Variants in CAMK2D observed in about 807,000 individuals in gnomAD.
CAMK2D encodes calcium/calmodulin dependent protein kinase II delta, also known as calcium/calmodulin-dependent protein kinase type II subunit delta.
A neutral mutation model predicts 84.0 loss-of-function variants in CAMK2D; 37 were observed. That is an observed-to-expected ratio of 0.44 (90% CI 0.34 to 0.58). The LOEUF (loss-of-function observed/expected upper bound fraction) is 0.58, where lower values mean the gene tolerates loss of function less well. CAMK2D is among the 20% of genes least tolerant of loss of function. CAMK2D has a pLI of 0.02. For synonymous variants in CAMK2D, 202 were observed against 212.5 expected (o/e 0.95, Z 0.43); for missense variants, 448 against 652.5 (o/e 0.69, Z 3.41).
At chr4:113,665,742 C>T (rs1426346066) in intron 2 of CAMK2D, among the ~76,000 whole-genome samples, 1 of 152,156 alleles carries the variant, frequency 6.6e-6, no homozygotes, top group Admixed American at 6.5e-5. Context: ...AGTCCATACT[C>T]TTATATGAAT....
intron 2 of CAMK2D, among the ~76,000 whole-genome samples, chr4:113,731,074 A>C (rs143854304): frequency 7.2e-5 from 11 of 152,350 alleles, no homozygotes; most frequent in Non-Finnish European, 1.3e-4. Flanking sequence ...AATATTCACC[A>C]ACTGAATATT....
At chr4:113,651,686 T>C (rs1179153896) in intron 3 of CAMK2D, among the ~76,000 whole-genome samples, 4 of 152,186 alleles carry the variant, frequency 2.6e-5, no homozygotes, top group Admixed American at 2.0e-4. Context: ...TGTTTTGTCA[T>C]ACATTGTACA....
intron 3 of CAMK2D, among the ~76,000 whole-genome samples, chr4:113,624,754 G>C (rs1350627947): frequency 6.6e-6 from 1 of 152,178 alleles, no homozygotes; most frequent in Non-Finnish European, 1.5e-5. Flanking sequence ...GGCTGAGTCA[G>C]TGTCTTAAAC....
Position 113,619,911 on chromosome 4 carries a change from G to A in CAMK2D, c.221-10705C>T, listed in dbSNP as rs1484442293. ...CTGAAAGAGAGAATATAGGTGCTGA[G>A]AGGCCGGAGTTTGGCATGCATAATC... On this transcript the variant is annotated intron_variant, in intron 3 of 20. Transcript: ENST00000511664. Among the ~76,000 whole-genome samples the A allele has an allele frequency of 1.3e-5, 2 of 152,148 alleles. 1 individual carries two copies. Among genetic ancestry groups the A allele is most frequent in the Admixed American group, 1.3e-4 (2 of 15,252 alleles).
chr4:113,494,544 G>C (rs1251017822), intron 16 of CAMK2D, among the ~76,000 whole-genome samples: 3 of 152,226 alleles, frequency 2.0e-5, no homozygotes, highest in Non-Finnish European at 4.4e-5. Flanking sequence ...TCTCTTCAAA[G>C]CTGTCAGACA....
intron 16 of CAMK2D, among the ~76,000 whole-genome samples, chr4:113,496,324 A>C (rs2097930160): frequency 6.6e-6 from 1 of 152,074 alleles, no homozygotes; most frequent in Non-Finnish European, 1.5e-5. Context: ...GGCCTAAAGA[A>C]TTGTATATTT....
intron 2 of CAMK2D, among the ~76,000 whole-genome samples, chr4:113,736,017 G>A (rs912571714): frequency 2.6e-5 from 4 of 151,422 alleles, no homozygotes; most frequent in South Asian, 2.1e-4. Flanking sequence ...ATTCAGCAAC[G>A]AAATATAGAC....
chr4:113,491,491 G>A (rs1368064291), intron 16 of CAMK2D, among the ~76,000 whole-genome samples: 1 of 151,780 alleles, frequency 6.6e-6, no homozygotes, highest in African/African-American at 2.4e-5. Context: ...CAGGGATGAA[G>A]CCCACTTGAT....
chr4:113,493,476 T>G (rs866279903), intron 16 of CAMK2D, among the ~76,000 whole-genome samples: 1 of 152,194 alleles, frequency 6.6e-6, no homozygotes, highest in Non-Finnish European at 1.5e-5. Context: ...TGGCCCCTAC[T>G]CTCTTCTGGC....
intron 3 of CAMK2D, among the ~76,000 whole-genome samples, chr4:113,637,371 C>T (rs556190263): frequency 1.3e-5 from 2 of 152,256 alleles, no homozygotes; most frequent in East Asian, 3.9e-4. Context: ...CAAAATGGAA[C>T]ATATCCCCCA....
chr4:113,614,552 A>G (rs1489063204), intron 3 of CAMK2D, among the ~76,000 whole-genome samples: 3 of 152,182 alleles, frequency 2.0e-5, no homozygotes, highest in Admixed American at 6.6e-5. Context: ...AAGAGGCCAC[A>G]TGAAGAGAAA....
intron 2 of CAMK2D, among the ~76,000 whole-genome samples, chr4:113,748,654 G>C (rs1260214590): frequency 6.6e-6 from 1 of 151,916 alleles, no homozygotes; most frequent in Non-Finnish European, 1.5e-5. Context: ...GCAGTACATA[G>C]GGAAGTTTTA....
chr4:113,620,016 C>A (rs1264159990), intron 3 of CAMK2D, among the ~76,000 whole-genome samples: 1 of 152,030 alleles, frequency 6.6e-6, no homozygotes, highest in African/African-American at 2.4e-5. Flanking sequence ...CTATATAATA[C>A]AACAAATGAT....
At chr4:113,720,366 T>TCACACACACACA (rs70961845) in intron 2 of CAMK2D, among the ~76,000 whole-genome samples, 47 of 148,554 alleles carry the variant, frequency 3.2e-4, no homozygotes, top group African/African-American at 9.1e-4. Flanking sequence ...AATCACATTC[T>TCACACACACACA]CACACACACA....
intron 12 of CAMK2D, 96 bp from the exon 13 acceptor site, chr4:113,509,771 T>C (rs2098185414): frequency 3.5e-6 from 3 of 864,134 alleles, no homozygotes; most frequent in Non-Finnish European, 5.9e-6. Context: ...TCTACCACCT[T>C]TGCTGAGTTC....
intron 2 of CAMK2D, among the ~76,000 whole-genome samples, chr4:113,673,087 C>T (rs2154327651): frequency 6.6e-6 from 1 of 152,214 alleles, no homozygotes; most frequent in Non-Finnish European, 1.5e-5. Flanking sequence ...ATGAGACCCC[C>T]AGAGAGGACT....
intron 2 of CAMK2D, among the ~76,000 whole-genome samples, chr4:113,738,025 A>T (rs1253404433): frequency 1.3e-5 from 2 of 152,124 alleles, no homozygotes; most frequent in Non-Finnish European, 2.9e-5. Flanking sequence ...AGGTTCCCTC[A>T]TTATTTCTCA....
intron 16 of CAMK2D, among the ~76,000 whole-genome samples, chr4:113,474,810 C>T (rs1033259333): frequency 5.3e-5 from 8 of 151,968 alleles, no homozygotes; most frequent in African/African-American, 1.9e-4. Flanking sequence ...CCACACCCAG[C>T]TAATTTTTGT....
chr4:113,734,106 T>A (rs192900291), intron 2 of CAMK2D, among the ~76,000 whole-genome samples: 5 of 151,916 alleles, frequency 3.3e-5, no homozygotes, highest in East Asian at 1.9e-4. Context: ...AACTTTTTTT[T>A]AAATAATAGG....
Sources: gnomAD v4.1 joint callset for allele counts (sites outside exome capture counted in the v4.1 genomes callset) on GRCh38, gnomAD v4.1.1 for gene constraint, MANE v1.5 for transcripts, NCBI Gene and HGNC (gene_info 2026-07-23, HGNC 2026-07-21) for gene names.